The following ALDH1L1 variants were observed in gnomAD, a reference collection of about 807,000 sequenced individuals.
The protein encoded by ALDH1L1 is cytosolic 10-formyltetrahydrofolate dehydrogenase.
ALDH1L1 carries 68 observed loss-of-function variants against 101.1 expected under a neutral mutation model. The observed-to-expected ratio is 0.67, with a 90% CI of 0.55 to 0.82. ALDH1L1 has a LOEUF of 0.82. Ranked by LOEUF, ALDH1L1 falls within the 40% of genes least tolerant of loss-of-function variation. The pLI, the probability that ALDH1L1 is intolerant of heterozygous loss-of-function variation, is 0.00. For synonymous variants in ALDH1L1, 486 were observed against 470.8 expected (o/e 1.03, Z -0.42); for missense variants, 1,087 against 1,172.7 (o/e 0.93, Z 1.07).
intron 16 of ALDH1L1, among the ~76,000 whole-genome samples, chr3:126,119,609 A>T (rs1274641748): frequency 6.6e-6 from 1 of 152,220 alleles, no homozygotes; most frequent in African/African-American, 2.4e-5. Context: ...GTTTGGAATA[A>T]GACCCTTGTA....
chr3:126,106,516 GC>G (rs1056969356), intron 21 of ALDH1L1, among the ~76,000 whole-genome samples: 1 of 152,186 alleles, frequency 6.6e-6, no homozygotes, highest in African/African-American at 2.4e-5. Flanking sequence ...TTCCAGCCCA[GC>G]CTGGTCTGGG....
chr3:126,109,146 C>T (rs528107652), intron 20 of ALDH1L1, among the ~76,000 whole-genome samples: 1 of 152,276 alleles, frequency 6.6e-6, no homozygotes, highest in South Asian at 2.1e-4. Context: ...TCTTTCCTTC[C>T]CTCCTTCATG....
intron 9 of ALDH1L1, among the ~76,000 whole-genome samples, chr3:126,140,163 G>C (rs1420833690): frequency 6.6e-6 from 1 of 152,116 alleles, no homozygotes; most frequent in African/African-American, 2.4e-5. Flanking sequence ...AGTAGCAAGA[G>C]AGAAATGGCT....
chr3:126,106,742 A>G (rs770273090), intron 21 of ALDH1L1, among the ~76,000 whole-genome samples: 34 of 152,214 alleles, frequency 2.2e-4, no homozygotes, highest in Non-Finnish European at 4.0e-4. Context: ...CACTGCATGG[A>G]GCAGAGATGG....
chr3:126,134,081 G>A (rs77914248), intron 12 of ALDH1L1, among the ~76,000 whole-genome samples: 6,933 of 152,222 alleles, frequency 0.046, 508 homozygotes, highest in African/African-American at 0.16. Flanking sequence ...TAACACCCAC[G>A]GTGGTCCCGC....
intron 11 of ALDH1L1, among the ~76,000 whole-genome samples, chr3:126,136,338 G>A (rs1290842900): frequency 6.6e-6 from 1 of 152,200 alleles, no homozygotes. Context: ...TTTGGCTCAT[G>A]ATGCCACAAG....
At chr3:126,159,510 C>T (rs2080995834) in intron 2 of ALDH1L1, 1 of 456,620 alleles carries the variant, frequency 2.2e-6, no homozygotes, top group Non-Finnish European at 4.4e-6. Flanking sequence ...GATGTTTGGG[C>T]CCTGACTGGA....
At chr3:126,146,972 G>T (rs1051950507) in intron 8 of ALDH1L1, 46 bp from the exon 9 acceptor site, 27 of 1,578,162 alleles carry the variant, frequency 1.7e-5, no homozygotes, top group Non-Finnish European at 2.2e-5. Context: ...GGGAGCTGGG[G>T]ACAAGTGCCA....
intron 16 of ALDH1L1, among the ~76,000 whole-genome samples, chr3:126,123,240 G>A (rs567792147): frequency 1.0e-3 from 152 of 149,348 alleles, no homozygotes; most frequent in South Asian, 8.0e-3. Context: ...CACAAGGTGT[G>A]AGGTATCACC....
chr3:126,165,324 T>C (rs183024563), intron 1 of ALDH1L1, among the ~76,000 whole-genome samples: 305 of 152,270 alleles, frequency 2.0e-3, no homozygotes, highest in African/African-American at 6.9e-3. Context: ...TTTGGTTTGC[T>C]AGTATTTTGT....
intron 1 of ALDH1L1, among the ~76,000 whole-genome samples, chr3:126,196,035 A>C (rs1243675244): frequency 6.6e-6 from 1 of 152,202 alleles, no homozygotes; most frequent in Non-Finnish European, 1.5e-5. Context: ...TGGGTGCAGC[A>C]CACCAACATG....
At chr3:126,164,107 G>A (rs2081115492) in intron 1 of ALDH1L1, among the ~76,000 whole-genome samples, 1 of 152,010 alleles carries the variant, frequency 6.6e-6, no homozygotes, top group African/African-American at 2.4e-5. Context: ...CTCCAGCCTG[G>A]GCAACAGAGT....
intron 1 of ALDH1L1, among the ~76,000 whole-genome samples, chr3:126,187,578 G>A (rs904708923): frequency 1.6e-4 from 24 of 152,146 alleles, no homozygotes; most frequent in Non-Finnish European, 2.8e-4. Flanking sequence ...ACAGTGGGGC[G>A]AAACTGCGCG....
At chr3:126,178,944 A>AAT (rs1048483623) in intron 1 of ALDH1L1, among the ~76,000 whole-genome samples, 7 of 151,956 alleles carry the variant, frequency 4.6e-5, no homozygotes, top group Non-Finnish European at 8.8e-5. Context: ...CTTCTGAAAA[A>AAT]AAAAAATAAA....
chr3:126,112,973 A>C, intron 18 of ALDH1L1, 93 bp from the exon 19 acceptor site: 1 of 1,130,692 alleles, frequency 8.8e-7, no homozygotes, highest in Non-Finnish European at 1.3e-6. Context: ...TCTAATTAGG[A>C]AAGGAGGCAC....
intron 9 of ALDH1L1, among the ~76,000 whole-genome samples, chr3:126,145,225 T>C (rs1159586604): frequency 6.6e-6 from 1 of 152,118 alleles, no homozygotes; most frequent in African/African-American, 2.4e-5. Context: ...TTGGCAAAGA[T>C]ATGGGAAAAA....
chr3:126,174,530 T>C (rs768059287), intron 1 of ALDH1L1, among the ~76,000 whole-genome samples: 1 of 152,060 alleles, frequency 6.6e-6, no homozygotes, highest in Admixed American at 6.6e-5. Context: ...ACAACAAATA[T>C]CAATGACTTC....
chr3:126,167,203 G>A (rs544934292), intron 1 of ALDH1L1, among the ~76,000 whole-genome samples: 1 of 152,122 alleles, frequency 6.6e-6, no homozygotes, highest in East Asian at 1.9e-4. Context: ...CAGCATTTAA[G>A]CAAAAAGATT....
intron 1 of ALDH1L1, among the ~76,000 whole-genome samples, chr3:126,187,186 A>C (rs2081524496): frequency 6.6e-6 from 1 of 151,994 alleles, no homozygotes; most frequent in Non-Finnish European, 1.5e-5. Flanking sequence ...ATTGAGAAAG[A>C]CTCAGCTGAG....
Sources: gnomAD v4.1 joint callset for allele counts (sites outside exome capture counted in the v4.1 genomes callset) on GRCh38, gnomAD v4.1.1 for gene constraint, MANE v1.5 for transcripts, NCBI Gene and HGNC (gene_info 2026-07-23, HGNC 2026-07-21) for gene names.